MKX: variants seen among roughly 807,000 people sequenced by gnomAD.
The protein encoded by MKX is homeobox protein Mohawk.
A neutral mutation model predicts 36.0 loss-of-function variants in MKX; 13 were observed. The ratio of observed to expected loss-of-function variants is 0.36; its 90% CI spans 0.24 to 0.57. The LOEUF (loss-of-function observed/expected upper bound fraction) is 0.57, where lower values mean the gene tolerates loss of function less well. Among genes scored for constraint, MKX ranks in the 20% least tolerant of loss-of-function variants. The pLI, the probability that MKX is intolerant of heterozygous loss-of-function variation, is 0.79. For synonymous variants in MKX, 176 were observed against 178.3 expected, an observed-to-expected ratio of 0.99 and a Z score of 0.10; for missense variants, 458 against 456.4, an observed-to-expected ratio of 1.00 and a Z score of -0.03.
chr10:27,677,641 C>G (rs990590321), intron 5 of MKX, among the ~76,000 whole-genome samples: 1 of 152,180 alleles, frequency 6.6e-6, no homozygotes, highest in Non-Finnish European at 1.5e-5. Context: ...TCACTCTGAG[C>G]TCTTTTCACA....
At position 27,676,049 on chromosome 10, in the gene MKX, T is replaced by C. The variant is rs79393400; in HGVS notation, c.839-495A>G. Reference sequence around the variant, plus strand: ...ACTTTGGGAGGCCAAGGCGGGGGATTGCTTGAGCCTAGGAATTCGAGACCA... The same window carrying C: ...ACTTTGGGAGGCCAAGGCGGGGGATCGCTTGAGCCTAGGAATTCGAGACCA... On this transcript the variant is annotated intron_variant, in intron 5 of 6. Transcript: ENST00000419761. Among the ~76,000 whole-genome samples the C allele has an allele frequency of 2.7e-3, 405 of 152,296 alleles. 3 individuals are homozygous for C. Among genetic ancestry groups the C allele is most frequent in the East Asian group, 0.021 (106 of 5,170 alleles).
intron 5 of MKX, among the ~76,000 whole-genome samples, chr10:27,696,162 C>A (rs1325453309): frequency 6.6e-6 from 1 of 152,122 alleles, no homozygotes; most frequent in Non-Finnish European, 1.5e-5. Flanking sequence ...TTTGGGACCT[C>A]CGATATTGGG....
chr10:27,734,427 A>T, intron 5 of MKX, 29 bp downstream of exon 5: 1 of 1,590,428 alleles, frequency 6.3e-7, no homozygotes. Context: ...CAGGTATCGC[A>T]GGAATTACTA....
chr10:27,693,562 G>C (rs1836492539), intron 5 of MKX, among the ~76,000 whole-genome samples: 1 of 152,114 alleles, frequency 6.6e-6, no homozygotes, highest in South Asian at 2.1e-4. Flanking sequence ...GGAAATTTAA[G>C]TACAAAAGAA....
Position 27,694,644 on chromosome 10 carries a change from G to A in MKX, c.839-19090C>T, listed in dbSNP as rs527665244. Among the ~76,000 whole-genome samples the A allele has an allele frequency of 2.9e-4, 42 of 146,182 alleles. No individual in the cohort carries two copies. The South Asian group carries it at 5.6e-3, about 19-fold the overall frequency. On this transcript the variant is annotated intron_variant, in intron 5 of 6. Coordinates refer to ENST00000419761, the MANE Select transcript of MKX (RefSeq NM_173576.3). ...CAGAAGGCAGAGCTTGCAGTGAGCC[G>A]AGATCGTGCCACTGCACTCCAGCCT...
chr10:27,723,016 A>C (rs936102614), intron 5 of MKX, among the ~76,000 whole-genome samples: 1 of 152,172 alleles, frequency 6.6e-6, no homozygotes, highest in African/African-American at 2.4e-5. Flanking sequence ...AATGAGAGGA[A>C]AGTTATTGTA....
At chr10:27,720,057 T>C (rs1834342347) in intron 5 of MKX, among the ~76,000 whole-genome samples, 1 of 150,740 alleles carries the variant, frequency 6.6e-6, no homozygotes, top group Non-Finnish European at 1.5e-5. Flanking sequence ...GACCAAATTA[T>C]TAATAATAAT....
intron 5 of MKX, among the ~76,000 whole-genome samples, chr10:27,724,756 TACACACACACACACAC>T (rs55968845): frequency 7.1e-6 from 1 of 141,400 alleles, no homozygotes; most frequent in Non-Finnish European, 1.5e-5. Context: ...TACTACTACC[TACACACACACACACAC>T]ACACACACAC....
intron 5 of MKX, among the ~76,000 whole-genome samples, chr10:27,684,664 T>A (rs140065496): frequency 1.3e-3 from 201 of 152,310 alleles, no homozygotes; most frequent in Non-Finnish European, 2.2e-3. Context: ...GCCTGTGAAA[T>A]AGAAACAGCC....
chr10:27,680,187 T>A (rs1188934569), intron 5 of MKX, among the ~76,000 whole-genome samples: 1 of 152,128 alleles, frequency 6.6e-6, no homozygotes, highest in African/African-American at 2.4e-5. Flanking sequence ...CTCGGCTATA[T>A]CTCTTACTCT....
At position 27,722,995 on chromosome 10, in the gene MKX, T is replaced by C. The variant is rs531920024; in HGVS notation, c.838+11461A>G. Among the ~76,000 whole-genome samples, 10 of 152,316 alleles carry C rather than the reference T, an allele frequency of 6.6e-5. No homozygotes were observed. The East Asian group carries it at 1.5e-3, about 23-fold the overall frequency. ...GTGAAATCATAAAGTTGAGCTTTTTTATATTTTCCTAATGAGAGGAAAGTT... is the reference window on the plus strand; with the variant it reads ...GTGAAATCATAAAGTTGAGCTTTTTCATATTTTCCTAATGAGAGGAAAGTT... On this transcript the variant is annotated intron_variant, in intron 5 of 6. Coordinates refer to ENST00000419761, the MANE Select transcript of MKX (RefSeq NM_173576.3).
In MKX at chr10:27,673,543, A is replaced by G. The variant is rs1376065770; in HGVS notation, c.*1686T>C. The G allele has an allele frequency of 6.6e-6, 1 of 152,600 alleles. No homozygotes were observed. Among genetic ancestry groups the G allele is most frequent in the Non-Finnish European group, 1.5e-5 (1 of 68,008 alleles). 9.5% of individuals were successfully genotyped at this position (152,600 alleles called of 1,614,324 possible). ...TCTAACTATTTAAGGATGCAAACCA[A>G]AAGAACTCATACTTCATCTGATCAT... On this transcript the variant is annotated 3_prime_UTR_variant, in exon 7 of 7. Transcript: ENST00000419761.
rs1836513971 is a variant in MKX at position 27,694,518 on chromosome 10, A to AG, written c.839-18965_839-18964insC. 1.6e-4 allele frequency among the ~76,000 whole-genome samples: 5 copies of AG among 30,944 alleles called. No individual in the cohort carries two copies. In the South Asian group the frequency reaches 0.011, roughly 65 times the overall value. 20.3% of individuals were successfully genotyped at this position (30,944 alleles called of 152,430 possible). On this transcript the variant is annotated intron_variant, in intron 5 of 6. Coordinates refer to ENST00000419761, the MANE Select transcript of MKX (RefSeq NM_173576.3). Reference sequence around the variant, plus strand: ...ACACAGCGAAACCCCGTCTCTACTAAAAAAAAAAAATATATATATATATAT... The same window carrying AG: ...ACACAGCGAAACCCCGTCTCTACTAAGAAAAAAAAAATATATATATATATAT...
At chr10:27,711,430 T>TC (rs1417467676) in intron 5 of MKX, among the ~76,000 whole-genome samples, 1 of 69,856 alleles carries the variant, frequency 1.4e-5, no homozygotes, top group East Asian at 8.3e-4. Context: ...CTTTCTTTTC[T>TC]CTTTCTTTCT....
chr10:27,691,951 C>T (rs1299422402), intron 5 of MKX, among the ~76,000 whole-genome samples: 3 of 152,210 alleles, frequency 2.0e-5, no homozygotes, highest in Non-Finnish European at 4.4e-5. Context: ...ATCCAATCCA[C>T]TCTTGATGGA....
In MKX at chr10:27,693,265, A is replaced by G. The variant is rs1041808923; in HGVS notation, c.839-17711T>C. Among the ~76,000 whole-genome samples, 9 of 152,158 alleles carry G rather than the reference A, an allele frequency of 5.9e-5. No homozygotes were observed. The South Asian group carries it at 1.2e-3, about 21-fold the overall frequency. On this transcript the variant is annotated intron_variant, in intron 5 of 6. Transcript: ENST00000419761. The stretch of plus-strand genomic sequence containing the variant: ...TTCTATGCTGAGACCACTCCTCCCA[A>G]TGGCCAAAAATTAAACATAGCAGGT...
intron 5 of MKX, among the ~76,000 whole-genome samples, chr10:27,707,955 T>C (rs1363815556): frequency 6.6e-6 from 1 of 152,010 alleles, no homozygotes; most frequent in African/African-American, 2.4e-5. Context: ...CTCTGCATTA[T>C]TCTATCAGAA....
chr10:27,734,093 C>T (rs1045271116), intron 5 of MKX, among the ~76,000 whole-genome samples: 1 of 151,880 alleles, frequency 6.6e-6, no homozygotes. Flanking sequence ...CCAGTATACA[C>T]CCCCCTAAAC....
rs191971625 is a variant in MKX at position 27,709,155 on chromosome 10, C to T, written c.838+25301G>A. On this transcript the variant is annotated intron_variant, in intron 5 of 6. Coordinates refer to ENST00000419761, the MANE Select transcript of MKX (RefSeq NM_173576.3). ...CTGCACTCCAGCCTGGGTGACAAAG[C>T]GAGACTCTGTCTCAAAAGAAAAAAG... Among the ~76,000 whole-genome samples the T allele has an allele frequency of 7.4e-4, 110 of 148,240 alleles. 1 individual carries two copies. The East Asian group carries it at 0.021, about 28-fold the overall frequency.
Sources: gnomAD v4.1 joint callset for allele counts (sites outside exome capture counted in the v4.1 genomes callset) on GRCh38, gnomAD v4.1.1 for gene constraint, MANE v1.5 for transcripts, NCBI Gene and HGNC (gene_info 2026-07-23, HGNC 2026-07-21) for gene names.